Variants in CYSLTR1 observed in about 807,000 individuals in gnomAD.
The protein encoded by CYSLTR1 is cysteinyl leukotriene receptor 1.
In CYSLTR1, 1 loss-of-function variant was observed where a neutral mutation model predicts 2.1. The observed-to-expected ratio is 0.48, with a 90% confidence interval of 0.17 to 2.28. The LOEUF (loss-of-function observed/expected upper bound fraction) is 2.28, where lower values mean the gene tolerates loss of function less well. Ranked by LOEUF, CYSLTR1 falls within the 30% of genes most tolerant of loss-of-function variation. The pLI, the probability that CYSLTR1 is intolerant of heterozygous loss-of-function variation, is 0.26. For missense variants in CYSLTR1, 299 were observed against 250.1 expected, an observed-to-expected ratio of 1.20 and a Z score of -1.32; for synonymous variants, 110 against 89.6, an observed-to-expected ratio of 1.23 and a Z score of -1.28.
rs767327343 is a variant in CYSLTR1, at chrX:78,291,859, T to G, written c.-114-8319A>C. On this transcript the variant is annotated intron_variant, in intron 1 of 2. Coordinates refer to ENST00000373304, the MANE Select transcript of CYSLTR1 (RefSeq NM_006639.4). ...TCTATTTGATTCTTCTCTCTTTTCT[T>G]CTTTATTAGTCTTGCTAGCGGTCTA... is the stretch of plus-strand genomic sequence containing the variant. Among the ~76,000 whole-genome samples the G allele has an allele frequency of 1.5e-4, 16 of 110,186 alleles. No individual in the cohort carries two copies. The East Asian group carries it at 4.5e-3, about 31-fold the overall frequency.
intron 1 of CYSLTR1, among the ~76,000 whole-genome samples, chrX:78,326,545 C>T (rs1326848255): frequency 8.9e-6 from 1 of 111,792 alleles, no homozygotes; most frequent in Non-Finnish European, 1.9e-5. Flanking sequence ...TGAAAACAGC[C>T]TTTTTTGTCG....
intron 1 of CYSLTR1, among the ~76,000 whole-genome samples, chrX:78,313,816 T>A (rs1360563850): frequency 8.9e-6 from 1 of 112,021 alleles, no homozygotes; most frequent in Non-Finnish European, 1.9e-5. Flanking sequence ...GTTGTTCACA[T>A]GGAAGATGAC....
At chrX:78,275,083 G>A (rs1425266385) in intron 2 of CYSLTR1, among the ~76,000 whole-genome samples, 2 of 111,391 alleles carry the variant, frequency 1.8e-5, no homozygotes, top group African/African-American at 6.5e-5. Context: ...GAAACAACAG[G>A]TGCTGGAGAG....
chrX:78,300,963 C>G (rs1261341041), intron 1 of CYSLTR1, among the ~76,000 whole-genome samples: 1 of 112,376 alleles, frequency 8.9e-6, no homozygotes, highest in Non-Finnish European at 1.9e-5. Flanking sequence ...TGTCCACCCA[C>G]AGGCTCAACA....
intron 2 of CYSLTR1, among the ~76,000 whole-genome samples, chrX:78,277,192 G>T: frequency 9.0e-6 from 1 of 111,086 alleles, no homozygotes; most frequent in East Asian, 2.8e-4. Flanking sequence ...TTGGCTGCCA[G>T]ACCTGGACAG....
chrX:78,283,902 G>A (rs1033035686), intron 1 of CYSLTR1, among the ~76,000 whole-genome samples: 17 of 111,827 alleles, frequency 1.5e-4, no homozygotes, highest in Non-Finnish European at 2.4e-4. Context: ...AAGAGGGGAA[G>A]TAATTTGGAA....
intron 2 of CYSLTR1, among the ~76,000 whole-genome samples, chrX:78,278,535 C>T (rs1239430569): frequency 8.9e-6 from 1 of 112,188 alleles, no homozygotes; most frequent in African/African-American, 3.2e-5. Flanking sequence ...GTTAAAATGG[C>T]CATACTGCCC....
Position 78,273,089 on chromosome X carries a change from ATT to A in CYSLTR1, c.656_657del (p.Lys219IlefsTer10). On this transcript the variant is annotated frameshift_variant, in exon 3 of 3. Coordinates refer to ENST00000373304, the MANE Select transcript of CYSLTR1 (RefSeq NM_006639.4). LOFTEE classifies it high-confidence loss of function. Reference sequence around the variant, plus strand: ...TGACTTGACAGATTTTTTTTCATTGATTTTTTTAGTAAGGTCAAAATGATCAT... The same window carrying A: ...TGACTTGACAGATTTTTTTTCATTGATTTTTAGTAAGGTCAAAATGATCAT... ...YTMIILTLLK[K>X]SMKKNLSSHK... 2.5e-6 allele frequency: 3 copies of A among 1,209,069 alleles called. No homozygotes were observed. Among genetic ancestry groups the A allele is most frequent in the Non-Finnish European group, 3.4e-6 (3 of 894,028 alleles).
intron 1 of CYSLTR1, among the ~76,000 whole-genome samples, chrX:78,303,152 A>T (rs1281050088): frequency 9.0e-6 from 1 of 111,398 alleles, no homozygotes; most frequent in Non-Finnish European, 1.9e-5. Context: ...TGCCCCCTCC[A>T]TGGGTGGCCA....
At chrX:78,282,083 C>G (rs185519633) in intron 2 of CYSLTR1, among the ~76,000 whole-genome samples, 85 of 112,062 alleles carry the variant, frequency 7.6e-4, no homozygotes, top group African/African-American at 2.7e-3. Context: ...GTGCCATAAG[C>G]TTTCCCACCT....
intron 1 of CYSLTR1, among the ~76,000 whole-genome samples, chrX:78,294,794 A>G (rs1271696169): frequency 2.7e-5 from 3 of 112,891 alleles, no homozygotes; most frequent in Non-Finnish European, 3.7e-5. Flanking sequence ...AGCTAGGCAC[A>G]TGAGAGAATC....
chrX:78,323,932 T>C (rs1349911932), intron 1 of CYSLTR1, among the ~76,000 whole-genome samples: 1 of 111,843 alleles, frequency 8.9e-6, no homozygotes, highest in Non-Finnish European at 1.9e-5. Flanking sequence ...GGGCTTATGT[T>C]TACTCTTCTC....
chrX:78,296,532 C>G (rs1214445416), intron 1 of CYSLTR1, among the ~76,000 whole-genome samples: 1 of 111,428 alleles, frequency 9.0e-6, no homozygotes, highest in Non-Finnish European at 1.9e-5. Flanking sequence ...AATATGAAAA[C>G]GAAATATCTT....
intron 2 of CYSLTR1, among the ~76,000 whole-genome samples, chrX:78,277,150 C>T (rs781201136): frequency 1.1e-4 from 12 of 111,127 alleles, no homozygotes; most frequent in South Asian, 3.8e-4. Context: ...CCCCAAGGAT[C>T]GCCATACTCC....
chrX:78,278,686 G>A (rs969914978), intron 2 of CYSLTR1, among the ~76,000 whole-genome samples: 1 of 112,162 alleles, frequency 8.9e-6, no homozygotes, highest in African/African-American at 3.2e-5. Context: ...CAAAGCCGGA[G>A]GCATCACACT....
At chrX:78,287,652 G>A (rs1018909676) in intron 1 of CYSLTR1, among the ~76,000 whole-genome samples, 10 of 111,760 alleles carry the variant, frequency 8.9e-5, no homozygotes, top group African/African-American at 3.3e-4. Context: ...ATTATACTGA[G>A]TGAAAGAAGC....
intron 1 of CYSLTR1, chrX:78,320,136 G>A (rs963649773): frequency 8.9e-6 from 1 of 111,754 alleles, no homozygotes; most frequent in Non-Finnish European, 1.9e-5. Flanking sequence ...TGTCAATTTC[G>A]GCTTTTGTTG....
rs751174492 is a variant in CYSLTR1 at position 78,273,318 on chromosome X, C to A, written c.429G>T (p.Val143=). The part of the protein sequence containing the change: ...NLVTQKKARF[V]CVGIWIFVIL... ...TCACAAAAATCCAAATACCTACACA[C>A]ACAAACCTGGCTTTTTTCTGTGTAA... The change falls in exon 3 of 3, where the codon GTG becomes GTT. Residue 143 remains valine, a synonymous_variant. Transcript: ENST00000373304. 5 of 1,209,190 alleles carry A rather than the reference C, an allele frequency of 4.1e-6. No homozygotes were observed. The Admixed American group carries it at 8.8e-5, about 21-fold the overall frequency.
intron 1 of CYSLTR1, among the ~76,000 whole-genome samples, chrX:78,291,625 T>C (rs1314050284): frequency 9.0e-6 from 1 of 111,283 alleles, no homozygotes; most frequent in Non-Finnish European, 1.9e-5. Context: ...TATTAATTAT[T>C]GCCTCAATTT....
Sources: allele counts gnomAD v4.1 joint callset (sites outside exome capture counted in the v4.1 genomes callset), GRCh38; gene constraint gnomAD v4.1.1; transcripts MANE v1.5; gene names NCBI Gene and HGNC (gene_info 2026-07-23, HGNC 2026-07-21).